The following KCNQ1 variants were observed in gnomAD, a reference collection of about 807,000 sequenced individuals.
The protein encoded by KCNQ1 is potassium voltage-gated channel subfamily Q member 1, also known as potassium voltage-gated channel subfamily KQT member 1.
A neutral mutation model predicts 72.4 loss-of-function variants in KCNQ1; 49 were observed. The observed-to-expected ratio is 0.68, with a 90% CI of 0.54 to 0.86. The LOEUF (loss-of-function observed/expected upper bound fraction) is 0.86. KCNQ1 is among the 40% of genes least tolerant of loss of function. The pLI, the probability that KCNQ1 is intolerant of heterozygous loss-of-function variation, is 0.00. For missense variants in KCNQ1, 790 were observed against 945.1 expected (o/e 0.84, Z 2.15); for synonymous variants, 450 against 412.6 (o/e 1.09, Z -1.10).
intron 15 of KCNQ1, among the ~76,000 whole-genome samples, chr11:2,846,319 G>T (rs976597887): frequency 6.6e-6 from 1 of 152,182 alleles, no homozygotes; most frequent in African/African-American, 2.4e-5. Flanking sequence ...CAGCTCTGCT[G>T]TTCAGCCCTT....
intron 2 of KCNQ1, among the ~76,000 whole-genome samples, chr11:2,535,119 C>T (rs557708141): frequency 1.3e-5 from 2 of 152,376 alleles, no homozygotes; most frequent in East Asian, 3.9e-4. Context: ...AAACTTCTCA[C>T]TCATCTGTCC....
At chr11:2,605,257 A>G (rs964501175) in intron 10 of KCNQ1, among the ~76,000 whole-genome samples, 23 of 152,148 alleles carry the variant, frequency 1.5e-4, no homozygotes, top group Non-Finnish European at 2.2e-4. Flanking sequence ...CACTTTCTTT[A>G]AGGTGTCTTT....
chr11:2,539,893 G>A (rs141692549), intron 2 of KCNQ1, among the ~76,000 whole-genome samples: 10 of 152,350 alleles, frequency 6.6e-5, no homozygotes, highest in Admixed American at 5.2e-4. Flanking sequence ...GGCGGGCCGG[G>A]TTGGGTTATG....
intron 11 of KCNQ1, chr11:2,672,686 C>T (rs1850208097): frequency 2.5e-6 from 1 of 398,770 alleles, no homozygotes; most frequent in Non-Finnish European, 4.4e-6. Flanking sequence ...TGGACACAGC[C>T]AGCTGATGGC....
chr11:2,585,361 C>G (rs1206064027), intron 8 of KCNQ1, 54 bp downstream of exon 8: 5 of 1,495,250 alleles, frequency 3.3e-6, no homozygotes, highest in Non-Finnish European at 4.7e-6. Flanking sequence ...GTTATTGTTG[C>G]ATCCAGCCCT....
At position 2,704,440 on chromosome 11, in the gene KCNQ1, G is replaced by A. The variant is rs552442525; in HGVS notation, c.1514+42359G>A. Reference sequence around the variant, plus strand: ...GTACCCACAGGTGGCATGGACTCATGTCCCCACCCAAATCACATCCCCACC... The same window carrying A: ...GTACCCACAGGTGGCATGGACTCATATCCCCACCCAAATCACATCCCCACC... On this transcript the variant is annotated intron_variant, in intron 11 of 15. Coordinates refer to ENST00000155840, the MANE Select transcript of KCNQ1 (RefSeq NM_000218.3). The surrounding 1 kb of genome is among the most constrained non-coding windows in gnomAD (Gnocchi z 4.3). Among the ~76,000 whole-genome samples, 16 of 152,300 alleles carry A rather than the reference G, an allele frequency of 1.1e-4. 1 individual carries two copies. In the South Asian group the frequency reaches 3.1e-3, roughly 30 times the overall value.
At position 2,653,840 on chromosome 11, in the gene KCNQ1, C is replaced by T. The variant is rs950865898; in HGVS notation, c.1394-8121C>T. 4.5e-5 allele frequency: 18 copies of T among 398,478 alleles called. No individual in the cohort carries two copies. The highest frequency in any genetic ancestry group is 6.6e-5 in the Non-Finnish European group (15 of 226,088). 24.7% of individuals were successfully genotyped at this position (398,478 alleles called of 1,614,324 possible). A position where few individuals can be genotyped will look rare whatever the true frequency, so the allele number is the denominator to read the frequency against. ...TCCACAGGGACCCCTTTGGGGATGG[C>T]CAGAGGGTACCTAAACACTGCACAC... On this transcript the variant is annotated intron_variant, in intron 10 of 15. Transcript: ENST00000155840. This position sits in a 1 kb window ranked among gnomAD's most constrained non-coding sequence, Gnocchi z 5.3.
intron 10 of KCNQ1, chr11:2,615,307 T>C (rs1849042982): frequency 2.5e-6 from 1 of 397,984 alleles, no homozygotes; most frequent in Non-Finnish European, 4.4e-6. Flanking sequence ...TGTGGATTCT[T>C]TGATTTTCTA....
At chr11:2,804,171 A>G (rs111404895) in intron 15 of KCNQ1, among the ~76,000 whole-genome samples, 25 of 152,048 alleles carry the variant, frequency 1.6e-4, no homozygotes, top group African/African-American at 4.6e-4. Flanking sequence ...ACAGGGCCAG[A>G]AACAACTGCA....
chr11:2,694,158 G>C (rs1291892795), intron 11 of KCNQ1: 2 of 398,574 alleles, frequency 5.0e-6, no homozygotes, highest in Admixed American at 4.4e-5. Flanking sequence ...CCAGGGAAGA[G>C]GGTACTCTGA....
chr11:2,797,567 G>A (rs1847164014), intron 15 of KCNQ1, among the ~76,000 whole-genome samples: 1 of 151,672 alleles, frequency 6.6e-6, no homozygotes. Context: ...CCCTTGCTCC[G>A]GAGCTCGAGG....
intron 1 of KCNQ1, among the ~76,000 whole-genome samples, chr11:2,453,268 G>A (rs1285772770): frequency 1.3e-5 from 2 of 152,188 alleles, no homozygotes; most frequent in African/African-American, 2.4e-5. Context: ...AGCTACTTGG[G>A]AGGCTGAGGC....
At chr11:2,632,899 T>TTA in intron 10 of KCNQ1, 1 of 398,502 alleles carries the variant, frequency 2.5e-6, no homozygotes, top group Non-Finnish European at 4.4e-6. Flanking sequence ...AATATCTTTT[T>TTA]TATATACTGA....
chr11:2,775,798 C>T (rs112945897), intron 12 of KCNQ1, among the ~76,000 whole-genome samples, 162 bp from the exon 13 acceptor site: 59 of 152,316 alleles, frequency 3.9e-4, no homozygotes, highest in African/African-American at 1.3e-3. Flanking sequence ...GGACAAGCTT[C>T]GCTACTGTGC....
rs756303877 is a variant in KCNQ1, at chr11:2,768,856, C to G, written c.1527C>G (p.His509Gln). Residue 509 changes from histidine to glutamine, a missense_variant, in exon 12 of 16, where the codon CAC (histidine) becomes CAG (glutamine). His to Gln is a conservative substitution (Grantham distance 24). Coordinates refer to ENST00000155840, the MANE Select transcript of KCNQ1 (RefSeq NM_000218.3). This position sits in a 1 kb window ranked among gnomAD's most constrained non-coding sequence, Gnocchi z 6.7. ...CTCTCCACTGCAGGCTGCGGGAACACCATCGGGCCACCATTAAGGTCATTC... is the reference window on the plus strand; with the variant it reads ...CTCTCCACTGCAGGCTGCGGGAACAGCATCGGGCCACCATTAAGGTCATTC... Reference protein sequence around the residue: ...PITHISQLREHHRATIKVIRR... With the variant: ...PITHISQLREQHRATIKVIRR... The G allele has an allele frequency of 6.2e-7, 1 of 1,614,020 alleles. No homozygotes were observed. The highest frequency in any genetic ancestry group is 8.5e-7 in the Non-Finnish European group (1 of 1,179,930).
intron 1 of KCNQ1, among the ~76,000 whole-genome samples, chr11:2,448,621 G>C (rs1239591412): frequency 6.6e-6 from 1 of 152,228 alleles, no homozygotes; most frequent in Non-Finnish European, 1.5e-5. Flanking sequence ...GGTGGGGCTG[G>C]GCACAGAGGA....
chr11:2,539,935 G>A (rs1029763865), intron 2 of KCNQ1, among the ~76,000 whole-genome samples: 4 of 152,240 alleles, frequency 2.6e-5, no homozygotes, highest in Non-Finnish European at 4.4e-5. Flanking sequence ...CTGGCCAGCT[G>A]GAGAGCCTCG....
chr11:2,474,380 C>T (rs1211965056), intron 1 of KCNQ1, among the ~76,000 whole-genome samples: 7 of 152,274 alleles, frequency 4.6e-5, no homozygotes, highest in South Asian at 2.1e-4. Context: ...CCTGATGTGC[C>T]GGTGTCCAGG....
chr11:2,503,674 A>G (rs1268265539), intron 1 of KCNQ1, among the ~76,000 whole-genome samples: 2 of 151,628 alleles, frequency 1.3e-5, no homozygotes, highest in East Asian at 3.9e-4. Context: ...CATGTACCCT[A>G]AAACTTAAAG....
Sources: gnomAD v4.1 joint callset for allele counts (sites outside exome capture counted in the v4.1 genomes callset) on GRCh38, gnomAD v4.1.1 for gene constraint, Gnocchi (gnomAD v3.1) non-coding constraint, MANE v1.5 for transcripts, NCBI Gene and HGNC (gene_info 2026-07-23, HGNC 2026-07-21) for gene names.